LRMDA: variants seen among roughly 807,000 people sequenced by gnomAD.
LRMDA encodes the protein leucine-rich melanocyte differentiation-associated protein.
Under a neutral mutation model 29.8 loss-of-function variants are expected in LRMDA, and 18 were observed. The ratio of observed to expected loss-of-function variants is 0.60; its 90% CI spans 0.42 to 0.90. The LOEUF is 0.90. Among genes scored for constraint, LRMDA ranks in the 40% least tolerant of loss-of-function variants. The pLI is 0.00. For synonymous variants in LRMDA, 125 were observed against 109.4 expected, an observed-to-expected ratio of 1.14 and a Z score of -0.89; for missense variants, 273 against 273.9, an observed-to-expected ratio of 1.00 and a Z score of 0.02.
At chr10:76,020,275 A>C (rs573449007) in intron 2 of LRMDA, among the ~76,000 whole-genome samples, 1 of 152,360 alleles carries the variant, frequency 6.6e-6, no homozygotes, top group East Asian at 1.9e-4. Flanking sequence ...TTCCCTATGC[A>C]TGTTCAGGAA....
At chr10:76,023,363 C>T (rs960645642) in intron 2 of LRMDA, among the ~76,000 whole-genome samples, 3 of 152,220 alleles carry the variant, frequency 2.0e-5, no homozygotes, top group African/African-American at 7.2e-5. Flanking sequence ...TCTCCCCTAA[C>T]TTTCCCCTTC....
chr10:76,242,306 G>T (rs2132286415), intron 5 of LRMDA: 1 of 152,176 alleles, frequency 6.6e-6, no homozygotes, highest in East Asian at 1.9e-4. Context: ...ACTGACTATT[G>T]CATTGGTTTG....
chr10:76,447,074 T>C (rs1264146189), intron 6 of LRMDA, among the ~76,000 whole-genome samples: 3 of 151,990 alleles, frequency 2.0e-5, no homozygotes, highest in African/African-American at 7.3e-5. Context: ...TTAACCTCAT[T>C]ATGTCTCAGT....
chr10:75,554,421 T>C (rs1326620766), intron 2 of LRMDA, among the ~76,000 whole-genome samples: 3 of 152,174 alleles, frequency 2.0e-5, no homozygotes, highest in African/African-American at 2.4e-5. Flanking sequence ...AGCTGTGAGA[T>C]TGATGTGATG....
chr10:76,057,940 T>C (rs1434953378), intron 4 of LRMDA, among the ~76,000 whole-genome samples: 1 of 152,202 alleles, frequency 6.6e-6, no homozygotes, highest in East Asian at 1.9e-4. Context: ...ATATACCTAT[T>C]TGAGGACAGT....
intron 2 of LRMDA, among the ~76,000 whole-genome samples, chr10:75,982,187 A>C (rs1022533151): frequency 6.6e-6 from 1 of 152,154 alleles, no homozygotes; most frequent in Non-Finnish European, 1.5e-5. Context: ...CTCTCTACAA[A>C]CACAGTGCCT....
chr10:76,389,835 T>C (rs919377886), intron 6 of LRMDA, among the ~76,000 whole-genome samples: 1 of 152,202 alleles, frequency 6.6e-6, no homozygotes, highest in Non-Finnish European at 1.5e-5. Flanking sequence ...TAATATCCAA[T>C]TGTATCTATA....
intron 2 of LRMDA, among the ~76,000 whole-genome samples, chr10:75,849,080 G>A (rs1844688095): frequency 6.6e-6 from 1 of 152,100 alleles, no homozygotes; most frequent in Non-Finnish European, 1.5e-5. Flanking sequence ...CTCTGCTGTG[G>A]CTCCAACTCC....
intron 2 of LRMDA, among the ~76,000 whole-genome samples, chr10:75,973,718 C>T (rs57008504): frequency 0.017 from 2,514 of 152,236 alleles, 80 homozygotes; most frequent in African/African-American, 0.057. Context: ...TCATGCCTGG[C>T]GGCCCTCATC....
At chr10:75,442,585 GCTCT>G (rs1056559623) in intron 2 of LRMDA, among the ~76,000 whole-genome samples, 1 of 152,058 alleles carries the variant, frequency 6.6e-6, no homozygotes, top group Non-Finnish European at 1.5e-5. Flanking sequence ...TTATTTCTGG[GCTCT>G]CTATTTTATT....
At chr10:76,091,303 GTGTGTGTGTGTGTGTC>G (rs1440643106) in intron 5 of LRMDA, among the ~76,000 whole-genome samples, 5 of 151,800 alleles carry the variant, frequency 3.3e-5, no homozygotes, top group Non-Finnish European at 7.4e-5. Context: ...GTGTGTGTGT[GTGTGTGTGTGTGTGTC>G]TGTGTGTAAA....
chr10:75,981,822 G>A (rs1439462199), intron 2 of LRMDA, among the ~76,000 whole-genome samples: 2 of 147,622 alleles, frequency 1.4e-5, no homozygotes, highest in Non-Finnish European at 3.0e-5. Flanking sequence ...ACTGCACTCC[G>A]GCCTGGCGAC....
chr10:76,487,885 G>A (rs1842797796), intron 6 of LRMDA, among the ~76,000 whole-genome samples: 1 of 151,732 alleles, frequency 6.6e-6, no homozygotes, highest in Non-Finnish European at 1.5e-5. Flanking sequence ...CCAAATTTAT[G>A]GCAATTTGAC....
chr10:75,770,139 A>C (rs892507849), intron 2 of LRMDA, among the ~76,000 whole-genome samples: 8 of 151,718 alleles, frequency 5.3e-5, no homozygotes, highest in African/African-American at 1.9e-4. Flanking sequence ...AAAAATAAAA[A>C]AATTAGCTGG....
intron 2 of LRMDA, among the ~76,000 whole-genome samples, chr10:75,776,892 G>A (rs1033112385): frequency 2.0e-5 from 3 of 152,206 alleles, no homozygotes; most frequent in African/African-American, 7.2e-5. Flanking sequence ...CTTTGTTGTA[G>A]ATCCGATATG....
chr10:76,539,489 C>T (rs1376920911), intron 6 of LRMDA, among the ~76,000 whole-genome samples: 2 of 152,112 alleles, frequency 1.3e-5, no homozygotes, highest in Non-Finnish European at 2.9e-5. Flanking sequence ...TTTGAGTCCA[C>T]CATATCCACC....
At chr10:75,895,154 A>G (rs1271075399) in intron 2 of LRMDA, among the ~76,000 whole-genome samples, 1 of 152,158 alleles carries the variant, frequency 6.6e-6, no homozygotes, top group Non-Finnish European at 1.5e-5. Flanking sequence ...CTTACTCTCA[A>G]TAGTGAGTGT....
chr10:76,110,471 A>T (rs1270623927), intron 5 of LRMDA, among the ~76,000 whole-genome samples: 1 of 152,166 alleles, frequency 6.6e-6, no homozygotes, highest in African/African-American at 2.4e-5. Flanking sequence ...CCTGCTTCAA[A>T]CCTTGCACTG....
In LRMDA at chr10:76,123,111, A is replaced by G. The variant is rs550409954; in HGVS notation, c.516+64328A>G. On this transcript the variant is annotated intron_variant, in intron 5 of 6. Transcript: ENST00000611255. ...CATGCTATCCTCTGGTGGAGGCAGC[A>G]TAGGGCGCTGGCTAACAGACCTCAG... is the stretch of plus-strand genomic sequence containing the variant. Among the ~76,000 whole-genome samples the G allele has an allele frequency of 2.0e-5, 3 of 152,290 alleles. No homozygotes were observed. In the East Asian group the frequency reaches 5.8e-4, roughly 29 times the overall value.
Sources: allele counts gnomAD v4.1 joint callset (sites outside exome capture counted in the v4.1 genomes callset), GRCh38; gene constraint gnomAD v4.1.1; transcripts MANE v1.5; gene names NCBI Gene and HGNC (gene_info 2026-07-23, HGNC 2026-07-21).